Variants in MAP3K13 observed in about 807,000 individuals in gnomAD.
The protein encoded by MAP3K13 is mitogen-activated protein kinase kinase kinase 13, also known as leucine zipper-bearing kinase.
Under a neutral mutation model 104.0 loss-of-function variants are expected in MAP3K13, and 52 were observed. That is an observed-to-expected ratio of 0.50 (90% confidence interval 0.40 to 0.63). The LOEUF is 0.63. Among genes scored for constraint, MAP3K13 ranks in the 20% least tolerant of loss-of-function variants. The pLI, the probability that MAP3K13 is intolerant of heterozygous loss-of-function variation, is 0.00. For missense variants in MAP3K13, 914 were observed against 1,218.5 expected (o/e 0.75, Z 3.72); for synonymous variants, 394 against 442.2 (o/e 0.89, Z 1.37).
chr3:185,312,531 G>T lies in MAP3K13; in HGVS notation c.-86+26888G>T, dbSNP rs116543519. On this transcript the variant is annotated intron_variant, in intron 2 of 14. Coordinates refer to the MAP3K13 transcript ENST00000424227. ...GTTATCCAGTGAAGAAGTATTTGGG[G>T]TTATACAATGCAGAGATTTCCCACT... Among the ~76,000 whole-genome samples the T allele has an allele frequency of 5.3e-3, 809 of 152,282 alleles. 12 individuals are homozygous for T. The highest frequency in any genetic ancestry group is 0.019 in the African/African-American group (779 of 41,546).
chr3:185,306,035 G>A (rs55890224), intron 2 of MAP3K13, among the ~76,000 whole-genome samples: 2,067 of 152,212 alleles, frequency 0.014, 20 homozygotes, highest in Non-Finnish European at 0.021. Flanking sequence ...TGTAGTATTT[G>A]GTTTTCTATC....
intron 1 of MAP3K13, among the ~76,000 whole-genome samples, chr3:185,375,557 C>T (rs116261646): frequency 1.8e-3 from 272 of 152,182 alleles, no homozygotes; most frequent in Middle Eastern, 3.4e-3. Context: ...GGTCCAGGAA[C>T]CATTTGCCTT....
At chr3:185,400,457 G>A (rs1712726869) in intron 1 of MAP3K13, among the ~76,000 whole-genome samples, 1 of 152,048 alleles carries the variant, frequency 6.6e-6, no homozygotes, top group African/African-American at 2.4e-5. Context: ...GTTCATCTTC[G>A]CATCATCGTT....
chr3:185,340,025 A>G (rs189173425), intron 2 of MAP3K13, among the ~76,000 whole-genome samples: 4 of 151,980 alleles, frequency 2.6e-5, no homozygotes, highest in Admixed American at 2.6e-4. Flanking sequence ...ATATTTGGTA[A>G]GGGGTGGAGG....
chr3:185,395,880 G>A (rs868322493), intron 1 of MAP3K13, among the ~76,000 whole-genome samples: 1 of 151,744 alleles, frequency 6.6e-6, no homozygotes, highest in South Asian at 2.1e-4. Flanking sequence ...GTTTCGCCAT[G>A]TTGCCCAGGC....
intron 4 of MAP3K13, among the ~76,000 whole-genome samples, chr3:185,444,254 T>G (rs555385067): frequency 9.9e-5 from 15 of 152,180 alleles, no homozygotes; most frequent in South Asian, 2.1e-4. Context: ...AAGAATTGCT[T>G]GAACCTAGGA....
At chr3:185,365,974 C>G (rs1181378291) in intron 1 of MAP3K13, among the ~76,000 whole-genome samples, 1 of 92,950 alleles carries the variant, frequency 1.1e-5, no homozygotes, top group African/African-American at 3.8e-5. Context: ...CCTTTCTTTT[C>G]TCTTTTCTTT....
intron 7 of MAP3K13, among the ~76,000 whole-genome samples, chr3:185,452,506 G>A (rs1715949873): frequency 6.6e-6 from 1 of 152,156 alleles, no homozygotes; most frequent in East Asian, 1.9e-4. Context: ...CAAACTGCTG[G>A]GATTACAGGC....
intron 2 of MAP3K13, among the ~76,000 whole-genome samples, chr3:185,356,170 C>T (rs1249491869): frequency 2.0e-5 from 3 of 146,658 alleles, no homozygotes; most frequent in Non-Finnish European, 4.7e-5. Context: ...AAAGTGTAAA[C>T]ACCATGTGAG....
chr3:185,469,394 C>T (rs1393368232), intron 10 of MAP3K13, among the ~76,000 whole-genome samples: 1 of 152,180 alleles, frequency 6.6e-6, no homozygotes, highest in Non-Finnish European at 1.5e-5. Context: ...CACTTGCTGG[C>T]TTTGTGATGG....
intron 10 of MAP3K13, among the ~76,000 whole-genome samples, chr3:185,471,920 C>T (rs1052682674): frequency 6.6e-6 from 1 of 152,110 alleles, no homozygotes; most frequent in Non-Finnish European, 1.5e-5. Flanking sequence ...ATCTTGATCC[C>T]AAGTGTTTAA....
At chr3:185,299,913 G>A (rs1721041296) in intron 2 of MAP3K13, among the ~76,000 whole-genome samples, 1 of 152,140 alleles carries the variant, frequency 6.6e-6, no homozygotes, top group Non-Finnish European at 1.5e-5. Flanking sequence ...GTACAGTAGT[G>A]TTAACGGTAT....
intron 2 of MAP3K13, among the ~76,000 whole-genome samples, chr3:185,325,671 G>A (rs1165247551): frequency 6.6e-6 from 1 of 152,176 alleles, no homozygotes; most frequent in Admixed American, 6.5e-5. Flanking sequence ...TGAAGCAGAG[G>A]CTTTGGGCAG....
Position 185,473,377 on chromosome 3 carries a change from A to C in MAP3K13, c.2046A>C (p.Pro682=), listed in dbSNP as rs55738042. Residue 682 remains proline (P), a synonymous_variant, in exon 11 of 14, where the codon CCA becomes CCC. Coordinates refer to ENST00000265026, the MANE Select transcript of MAP3K13 (RefSeq NM_004721.5). This position sits in a 1 kb window ranked among gnomAD's most constrained non-coding sequence, Gnocchi z 4.9. The part of the protein sequence containing the change: ...YFGPAAALRS[P]LSNHAQRQLP... The stretch of plus-strand genomic sequence containing the variant: ...GCCCAGCAGCAGCCCTGCGGAGCCC[A>C]CTCAGCAACCATGCTCAGAGACAGC... The C allele has an allele frequency of 2.1e-4, 333 of 1,614,004 alleles. No individual in the cohort carries two copies. The highest frequency in any genetic ancestry group is 2.6e-4 in the Non-Finnish European group (310 of 1,180,028).
intron 2 of MAP3K13, among the ~76,000 whole-genome samples, chr3:185,288,638 C>A (rs925489598): frequency 2.0e-5 from 3 of 151,620 alleles, no homozygotes; most frequent in African/African-American, 7.3e-5. Flanking sequence ...TAGAGCTGGG[C>A]CTGTCATAGG....
intron 1 of MAP3K13, among the ~76,000 whole-genome samples, chr3:185,427,808 G>A (rs1486069993): frequency 3.3e-5 from 5 of 152,202 alleles, no homozygotes; most frequent in Admixed American, 3.3e-4. Flanking sequence ...GCCGGGCACG[G>A]TGGCTCACGC....
At chr3:185,314,157 A>G (rs1721593635) in intron 2 of MAP3K13, among the ~76,000 whole-genome samples, 1 of 152,160 alleles carries the variant, frequency 6.6e-6, no homozygotes, top group African/African-American at 2.4e-5. Flanking sequence ...TTGGTTATTC[A>G]AGCACTCATT....
intron 1 of MAP3K13, among the ~76,000 whole-genome samples, chr3:185,370,147 G>A (rs1028717337): frequency 2.0e-5 from 3 of 152,082 alleles, no homozygotes; most frequent in Non-Finnish European, 2.9e-5. Flanking sequence ...AATTTCTAAG[G>A]CAATCTGGCT....
chr3:185,393,634 A>G (rs1012382901), intron 1 of MAP3K13, among the ~76,000 whole-genome samples: 1 of 151,794 alleles, frequency 6.6e-6, no homozygotes, highest in South Asian at 2.1e-4. Context: ...AATTTTTTGT[A>G]TTTTTAGTAG....
Sources: allele counts gnomAD v4.1 joint callset (sites outside exome capture counted in the v4.1 genomes callset), GRCh38; gene constraint gnomAD v4.1.1; non-coding constraint Gnocchi (gnomAD v3.1); transcripts MANE v1.5; gene names NCBI Gene and HGNC (gene_info 2026-07-23, HGNC 2026-07-21).